Variants in RAD54L2 observed in about 807,000 individuals in gnomAD.
RAD54L2 encodes the protein RAD54 like 2.
Under a neutral mutation model 138.4 loss-of-function variants are expected in RAD54L2, and 27 were observed. The ratio of observed to expected loss-of-function variants is 0.20; its 90% confidence interval spans 0.14 to 0.27. The LOEUF is 0.27. RAD54L2 is among the 10% of genes least tolerant of loss of function. RAD54L2 has a pLI of 1.00. For synonymous variants in RAD54L2, 644 were observed against 723.2 expected (o/e 0.89, Z 1.76); for missense variants, 1,396 against 1,890.2 (o/e 0.74, Z 4.85).
rs575081526 is a variant in RAD54L2, at chr3:51,662,460, C to T, written c.3444C>T (p.Asn1148=). 2.1e-5 allele frequency: 32 copies of T among 1,552,382 alleles called. No individual in the cohort carries two copies. The highest frequency in any genetic ancestry group is 1.7e-4 in the Middle Eastern group (1 of 5,762). ...GACCTTCTTGCGAGTCCACAAGCAA[C>T]GGCAGACACAGTGCCTCATCACCCA... ...SQGPSCESTS[N]GRHSASSPKA... The change falls in exon 23 of 23, where the codon AAC becomes AAT. Residue 1148 remains asparagine, a synonymous_variant. Coordinates refer to ENST00000684192, the MANE Select transcript of RAD54L2 (RefSeq NM_015106.4). This position sits in a 1 kb window ranked among gnomAD's most constrained non-coding sequence, Gnocchi z 4.6.
chr3:51,666,705 C>A lies in RAD54L2; in HGVS notation c.*3285C>A, dbSNP rs1412603217. ...ATATCATTTTCTTTAGATTGGATATCTATGAAGTCCACACCCCTTTGAGTT... is the reference window on the plus strand; with the variant it reads ...ATATCATTTTCTTTAGATTGGATATATATGAAGTCCACACCCCTTTGAGTT... On this transcript the variant is annotated 3_prime_UTR_variant, in exon 23 of 23. Transcript: ENST00000684192. The A allele has an allele frequency of 6.6e-6, 1 of 152,170 alleles. No homozygotes were observed. The highest frequency in any genetic ancestry group is 1.5e-5 in the Non-Finnish European group (1 of 68,018). 9.4% of individuals were successfully genotyped at this position (152,170 alleles called of 1,614,324 possible).
At position 51,619,641 on chromosome 3, in the gene RAD54L2, A is replaced by T. The variant is rs1313057988; in HGVS notation, c.140-7912A>T. Among the ~76,000 whole-genome samples the T allele has an allele frequency of 2.6e-5, 4 of 151,940 alleles. No individual in the cohort carries two copies. In the South Asian group the frequency reaches 6.2e-4, roughly 24 times the overall value. ...ATCTCAAATACAGTGTCATGGTTTAATTTTTTTGTGTGTGGCAGGACCGAT... is the reference window on the plus strand; with the variant it reads ...ATCTCAAATACAGTGTCATGGTTTATTTTTTTTGTGTGTGGCAGGACCGAT... On this transcript the variant is annotated intron_variant, in intron 3 of 22. Transcript: ENST00000684192.
intron 3 of RAD54L2, among the ~76,000 whole-genome samples, chr3:51,625,624 T>G (rs1700660557): frequency 6.6e-6 from 1 of 151,744 alleles, no homozygotes; most frequent in African/African-American, 2.4e-5. Context: ...ATTGGGAATG[T>G]GAGGCAGAAG....
At chr3:51,608,379 A>G (rs1033333890) in intron 3 of RAD54L2, among the ~76,000 whole-genome samples, 1 of 151,396 alleles carries the variant, frequency 6.6e-6, no homozygotes. Flanking sequence ...CACATCCCAG[A>G]CGATGGGCGG....
At chr3:51,585,376 C>T (rs1427676923) in intron 2 of RAD54L2, among the ~76,000 whole-genome samples, 2 of 152,116 alleles carry the variant, frequency 1.3e-5, no homozygotes, top group Non-Finnish European at 1.5e-5. Context: ...TGAGCTGCCT[C>T]ACAATGATGA....
rs756324811 is a variant in RAD54L2 at position 51,641,785 on chromosome 3, C to T, written c.2268C>T (p.Phe756=). The change falls in exon 15 of 23, where the codon TTC becomes TTT. Residue 756 remains phenylalanine (F), a synonymous_variant. Transcript: ENST00000684192. ...SLSTLALIEE[F]LGKREVPCPP... is the part of the protein sequence containing the mutation. Reference sequence around the variant, plus strand: ...CCACCTTGGCTCTCATCGAGGAATTCCTTGGAAAACGAGAAGTACCCTGTC... The same window carrying T: ...CCACCTTGGCTCTCATCGAGGAATTTCTTGGAAAACGAGAAGTACCCTGTC... 6.3e-7 allele frequency: 1 copy of T among 1,599,026 alleles called. No homozygotes were observed. Among genetic ancestry groups the T allele is most frequent in the Non-Finnish European group, 8.5e-7 (1 of 1,172,448 alleles).
intron 3 of RAD54L2, among the ~76,000 whole-genome samples, chr3:51,609,696 ATTTG>A (rs1700285151): frequency 2.2e-5 from 2 of 91,880 alleles, no homozygotes; most frequent in South Asian, 8.7e-4. Flanking sequence ...CCTTGTGGGC[ATTTG>A]TGTGTGTGTG....
At chr3:51,587,808 T>C (rs1699741652) in intron 2 of RAD54L2, among the ~76,000 whole-genome samples, 1 of 152,204 alleles carries the variant, frequency 6.6e-6, no homozygotes, top group Non-Finnish European at 1.5e-5. Flanking sequence ...GCAGTACTTT[T>C]TATGTTAAAT....
intron 2 of RAD54L2, among the ~76,000 whole-genome samples, chr3:51,564,648 G>A (rs1205376615): frequency 6.6e-6 from 1 of 152,218 alleles, no homozygotes; most frequent in Non-Finnish European, 1.5e-5. Context: ...CAGGTGCAGT[G>A]GCTCACACCT....
intron 15 of RAD54L2, 120 bp downstream of exon 15, chr3:51,641,987 C>T: frequency 1.4e-6 from 1 of 739,594 alleles, no homozygotes; most frequent in East Asian, 2.8e-5. Flanking sequence ...TGTGATTAGT[C>T]AAGGAGCAGG....
At chr3:51,592,586 T>C (rs1470947247) in intron 3 of RAD54L2, among the ~76,000 whole-genome samples, 1 of 151,890 alleles carries the variant, frequency 6.6e-6, no homozygotes, top group African/African-American at 2.4e-5. Context: ...ATTTTACCTC[T>C]TAAAGCTTTT....
intron 3 of RAD54L2, among the ~76,000 whole-genome samples, chr3:51,613,122 A>G (rs986894575): frequency 6.6e-6 from 1 of 151,828 alleles, no homozygotes; most frequent in Non-Finnish European, 1.5e-5. Context: ...TTATATTTTT[A>G]GTAGAGATGG....
At chr3:51,561,727 AATT>A (rs1699103940) in intron 2 of RAD54L2, among the ~76,000 whole-genome samples, 1 of 150,718 alleles carries the variant, frequency 6.6e-6, no homozygotes, top group Admixed American at 6.6e-5. Context: ...ATTCCTGGCT[AATT>A]ATTTTATTTT....
At chr3:51,649,707 A>C (rs1480643655) in intron 19 of RAD54L2, among the ~76,000 whole-genome samples, 4 of 152,224 alleles carry the variant, frequency 2.6e-5, no homozygotes, top group African/African-American at 7.2e-5. Flanking sequence ...AAGCTTCATA[A>C]GTGAAGGAGA....
At chr3:51,615,663 A>T (rs955696535) in intron 3 of RAD54L2, among the ~76,000 whole-genome samples, 2 of 152,200 alleles carry the variant, frequency 1.3e-5, no homozygotes, top group Admixed American at 6.5e-5. Flanking sequence ...TGATCAAATT[A>T]CTAAAATTGG....
intron 2 of RAD54L2, among the ~76,000 whole-genome samples, chr3:51,569,184 C>G (rs1391397536): frequency 6.6e-6 from 1 of 152,144 alleles, no homozygotes; most frequent in Non-Finnish European, 1.5e-5. Context: ...GGTCTTATCT[C>G]TAGTGCCACT....
intron 3 of RAD54L2, among the ~76,000 whole-genome samples, chr3:51,619,264 G>T (rs1034679165): frequency 6.6e-6 from 1 of 152,042 alleles, no homozygotes; most frequent in African/African-American, 2.4e-5. Flanking sequence ...TCACCATGTT[G>T]GTCAGGCCGG....
rs1181250261 is a variant in RAD54L2, at chr3:51,665,528, ACT to A, written c.*2111_*2112del. On this transcript the variant is annotated 3_prime_UTR_variant, in exon 23 of 23. Transcript: ENST00000684192. ...TCATAAGCACCCTGCCAGACACTTAACTCTTCTACTCATGGAAGCCTTAGATC... is the reference window on the plus strand; with the variant it reads ...TCATAAGCACCCTGCCAGACACTTAACTTCTACTCATGGAAGCCTTAGATC... The A allele has an allele frequency of 2.0e-5, 3 of 151,862 alleles. No individual in the cohort carries two copies. The highest frequency in any genetic ancestry group is 7.3e-5 in the African/African-American group (3 of 41,262). 9.4% of individuals were successfully genotyped at this position (151,862 alleles called of 1,614,324 possible).
intron 2 of RAD54L2, among the ~76,000 whole-genome samples, chr3:51,547,465 A>G (rs1212181611): frequency 6.8e-6 from 1 of 146,518 alleles, no homozygotes; most frequent in Non-Finnish European, 1.5e-5. Flanking sequence ...AGGTACTAAC[A>G]TGTGCTTATG....
Sources: gnomAD v4.1 joint callset for allele counts (sites outside exome capture counted in the v4.1 genomes callset) on GRCh38, gnomAD v4.1.1 for gene constraint, Gnocchi (gnomAD v3.1) non-coding constraint, MANE v1.5 for transcripts, NCBI Gene and HGNC (gene_info 2026-07-23, HGNC 2026-07-21) for gene names.